Variants in CCBE1 observed in about 807,000 individuals in gnomAD.
CCBE1 encodes collagen and calcium binding EGF domains 1.
In CCBE1, 37 loss-of-function variants were observed where a neutral mutation model predicts 50.0. The observed-to-expected ratio is 0.74, with a 90% CI of 0.57 to 0.97. CCBE1 has a LOEUF of 0.97. Among genes scored for constraint, CCBE1 ranks in the 50% least tolerant of loss-of-function variants. The probability of loss-of-function intolerance (pLI) is 0.00; values close to 1 mark genes in which losing one functional copy is unlikely to be tolerated. For missense variants in CCBE1, 538 were observed against 523.8 expected (o/e 1.03, Z -0.26); for synonymous variants, 234 against 203.7 (o/e 1.15, Z -1.27).
intron 2 of CCBE1, among the ~76,000 whole-genome samples, chr18:59,589,433 C>A (rs897580818): frequency 1.3e-5 from 2 of 152,128 alleles, no homozygotes; most frequent in Non-Finnish European, 2.9e-5. Context: ...CTATTTCAAC[C>A]AATATCACAC....
Position 59,508,711 on chromosome 18 carries a change from C to CTTTTTTTT in CCBE1, c.213-28481_213-28474dup, listed in dbSNP as rs55881131. 7.6e-3 allele frequency among the ~76,000 whole-genome samples: 727 copies of CTTTTTTTT among 95,644 alleles called. 48 individuals carry two copies. Among genetic ancestry groups the CTTTTTTTT allele is most frequent in the Middle Eastern group, 0.019 (2 of 106 alleles). 62.7% of individuals were successfully genotyped at this position (95,644 alleles called of 152,430 possible). On this transcript the variant is annotated intron_variant, in intron 2 of 10. Coordinates refer to ENST00000439986, the MANE Select transcript of CCBE1 (RefSeq NM_133459.4). Reference sequence around the variant, plus strand: ...AGCACAGTACACACATAGAGTTACGCTTTTTTTTTTTTTTTTTTTTTTGAG... The same window carrying CTTTTTTTT: ...AGCACAGTACACACATAGAGTTACGCTTTTTTTTTTTTTTTTTTTTTTTTTTTTTTGAG...
chr18:59,539,648 C>T (rs1026853232), intron 2 of CCBE1, among the ~76,000 whole-genome samples: 3 of 152,192 alleles, frequency 2.0e-5, no homozygotes, highest in East Asian at 3.8e-4. Context: ...AGGCATAAGG[C>T]TATTGGCAGT....
chr18:59,533,913 A>G (rs188091332), intron 2 of CCBE1, among the ~76,000 whole-genome samples: 2 of 152,354 alleles, frequency 1.3e-5, no homozygotes, highest in East Asian at 3.9e-4. Flanking sequence ...AATAAGCACA[A>G]ATGTACTTCA....
chr18:59,483,161 T>A (rs542136220), intron 2 of CCBE1, among the ~76,000 whole-genome samples: 30 of 152,360 alleles, frequency 2.0e-4, no homozygotes, highest in African/African-American at 7.2e-4. Context: ...TTCAGCTTTG[T>A]CAAATAATTA....
intron 3 of CCBE1, among the ~76,000 whole-genome samples, chr18:59,473,807 C>G: frequency 7.0e-6 from 1 of 143,374 alleles, no homozygotes; most frequent in Non-Finnish European, 1.5e-5. Flanking sequence ...TCCAACCCTC[C>G]CACTATTCCC....
chr18:59,620,469 T>G, intron 2 of CCBE1, among the ~76,000 whole-genome samples: 1 of 152,196 alleles, frequency 6.6e-6, no homozygotes, highest in East Asian at 1.9e-4. Flanking sequence ...TACATGAGAT[T>G]GTTTATCCTA....
chr18:59,524,626 A>G (rs561636448), intron 2 of CCBE1, among the ~76,000 whole-genome samples: 1 of 152,340 alleles, frequency 6.6e-6, no homozygotes, highest in South Asian at 2.1e-4. Flanking sequence ...GTTCCAAGAT[A>G]CATGTGCGAG....
intron 2 of CCBE1, among the ~76,000 whole-genome samples, chr18:59,566,240 C>T (rs1034832997): frequency 2.0e-5 from 3 of 152,182 alleles, no homozygotes; most frequent in Non-Finnish European, 4.4e-5. Flanking sequence ...AATGTCTCTT[C>T]CAGGGCCATT....
intron 2 of CCBE1, among the ~76,000 whole-genome samples, chr18:59,683,784 G>A (rs766351027): frequency 1.3e-5 from 2 of 152,178 alleles, no homozygotes; most frequent in Admixed American, 6.5e-5. Flanking sequence ...TGGAGATGCC[G>A]CCTGAGTAAA....
At chr18:59,453,137 G>A (rs1911020184) in intron 6 of CCBE1, among the ~76,000 whole-genome samples, 1 of 152,200 alleles carries the variant, frequency 6.6e-6, no homozygotes, top group Non-Finnish European at 1.5e-5. Context: ...TTAGCCCCCT[G>A]TTCCTAAAGA....
intron 2 of CCBE1, among the ~76,000 whole-genome samples, chr18:59,589,215 C>T (rs8084154): frequency 6.6e-6 from 1 of 152,104 alleles, no homozygotes; most frequent in Non-Finnish European, 1.5e-5. Context: ...GCCAATTCAC[C>T]AACTTACATT....
At chr18:59,643,506 A>T (rs12953838) in intron 2 of CCBE1, among the ~76,000 whole-genome samples, 68,720 of 152,032 alleles carry the variant, frequency 0.45, 17,208 homozygotes, top group Non-Finnish European at 0.56. Context: ...TTTAAGTTGA[A>T]CAAGTTTCTA....
At chr18:59,633,030 C>G (rs1025403344) in intron 2 of CCBE1, among the ~76,000 whole-genome samples, 5 of 152,176 alleles carry the variant, frequency 3.3e-5, no homozygotes, top group African/African-American at 1.2e-4. Flanking sequence ...GCATTCCATG[C>G]TTAAGTGATT....
intron 2 of CCBE1, among the ~76,000 whole-genome samples, chr18:59,493,325 C>T (rs1372361144): frequency 6.6e-6 from 1 of 152,172 alleles, no homozygotes; most frequent in Non-Finnish European, 1.5e-5. Flanking sequence ...AGGAGAAATT[C>T]ATGTAACACC....
At chr18:59,595,499 T>C (rs752052470) in intron 2 of CCBE1, among the ~76,000 whole-genome samples, 12 of 152,200 alleles carry the variant, frequency 7.9e-5, no homozygotes, top group Admixed American at 2.6e-4. Context: ...AGACTGCTCA[T>C]TGTAAATTCA....
chr18:59,509,671 A>G (rs2144291566), intron 2 of CCBE1, among the ~76,000 whole-genome samples: 1 of 152,296 alleles, frequency 6.6e-6, no homozygotes, highest in African/African-American at 2.4e-5. Context: ...ATAAAAGAAG[A>G]ACTTCAGTGC....
intron 2 of CCBE1, among the ~76,000 whole-genome samples, chr18:59,575,944 T>G (rs2052988922): frequency 6.6e-6 from 1 of 152,222 alleles, no homozygotes; most frequent in Non-Finnish European, 1.5e-5. Context: ...ACATGTCCCT[T>G]TAGTTAACCC....
rs763609088 is a variant in CCBE1 at position 59,536,531 on chromosome 18, C to T, written c.213-56293G>A. Among the ~76,000 whole-genome samples, 12 of 152,190 alleles carry T rather than the reference C, an allele frequency of 7.9e-5. No homozygotes were observed. In the South Asian group the frequency reaches 1.0e-3, roughly 13 times the overall value. ...AGGTTGTCTTGGGCTGGGAAAATGT[C>T]GACTTTCCCAGAAAAACAAAAGTAA... On this transcript the variant is annotated intron_variant, in intron 2 of 10. Transcript: ENST00000439986.
Position 59,480,168 on chromosome 18 carries a change from CT to C in CCBE1, c.265+17del. ...AGTTGTGAATAAAGTCAGACAATAT[CT>C]TTTTTATATTACATACCTTCTGGGA... On this transcript the variant is annotated intron_variant, in intron 3 of 10. Transcript: ENST00000439986. The C allele has an allele frequency of 6.6e-7, 1 of 1,516,322 alleles. No individual in the cohort carries two copies. The highest frequency in any genetic ancestry group is 9.2e-7 in the Non-Finnish European group (1 of 1,092,138). 93.9% of individuals were successfully genotyped at this position (1,516,322 alleles called of 1,614,324 possible). A position where few individuals can be genotyped will look rare whatever the true frequency, so the allele number is the denominator to read the frequency against.
Sources: gnomAD v4.1 joint callset for allele counts (sites outside exome capture counted in the v4.1 genomes callset) on GRCh38, gnomAD v4.1.1 for gene constraint, MANE v1.5 for transcripts, NCBI Gene and HGNC (gene_info 2026-07-23, HGNC 2026-07-21) for gene names.